Variants in KCNMA1 observed in about 807,000 individuals in gnomAD.
KCNMA1 encodes Calcium-activated potassium channel subunit alpha-1.
In KCNMA1, 29 loss-of-function variants were observed where a neutral mutation model predicts 140.0. That is an observed-to-expected ratio of 0.21 (90% CI 0.15 to 0.28). KCNMA1 has a LOEUF of 0.28. KCNMA1 is among the 10% of genes least tolerant of loss of function. KCNMA1 has a pLI of 1.00. For missense variants in KCNMA1, 880 were observed against 1,602.2 expected, an observed-to-expected ratio of 0.55 and a Z score of 7.70; for synonymous variants, 612 against 611.9, an observed-to-expected ratio of 1.00 and a Z score of 0.00.
chr10:77,629,593 C>A (rs190396231), intron 1 of KCNMA1, among the ~76,000 whole-genome samples: 7 of 152,280 alleles, frequency 4.6e-5, no homozygotes, highest in African/African-American at 1.4e-4. Context: ...TCAGTTCCTG[C>A]CCTCAAGGAG....
intron 1 of KCNMA1, among the ~76,000 whole-genome samples, chr10:77,463,225 T>C (rs1323551568): frequency 6.6e-6 from 1 of 152,106 alleles, no homozygotes; most frequent in Non-Finnish European, 1.5e-5. Context: ...TGGCCCTGCG[T>C]AGCCTGGGAA....
At chr10:77,527,694 A>G (rs2056287468) in intron 1 of KCNMA1, among the ~76,000 whole-genome samples, 1 of 152,174 alleles carries the variant, frequency 6.6e-6, no homozygotes, top group Admixed American at 6.5e-5. Context: ...ATTAAAAGAG[A>G]AAGAAAGAGA....
At position 77,289,050 on chromosome 10, in the gene KCNMA1, T is replaced by C. The variant is rs117112564; in HGVS notation, c.541-37794A>G. Among the ~76,000 whole-genome samples, 249 of 152,306 alleles carry C rather than the reference T, an allele frequency of 1.6e-3. 4 individuals carry two copies. The East Asian group carries it at 0.04, about 24-fold the overall frequency. ...TCTCATTTTGGGAGGACCAAAGCCCTGCCTAGCAGCAATGACAATCCTGGC... is the reference window on the plus strand; with the variant it reads ...TCTCATTTTGGGAGGACCAAAGCCCCGCCTAGCAGCAATGACAATCCTGGC... On this transcript the variant is annotated intron_variant, in intron 2 of 27. Coordinates refer to ENST00000286628, the MANE Select transcript of KCNMA1 (RefSeq NM_001161352.2).
chr10:77,198,521 G>A (rs897752160), intron 3 of KCNMA1, among the ~76,000 whole-genome samples: 1 of 146,404 alleles, frequency 6.8e-6, no homozygotes, highest in African/African-American at 2.5e-5. Flanking sequence ...GATTCTCAAA[G>A]GTATTTCTTA....
intron 1 of KCNMA1, among the ~76,000 whole-genome samples, chr10:77,525,178 A>G (rs1053563790): frequency 2.6e-5 from 4 of 152,234 alleles, no homozygotes; most frequent in Non-Finnish European, 4.4e-5. Context: ...GTTCTAATTA[A>G]TATAATTCCA....
chr10:77,328,037 T>G (rs944868954), intron 2 of KCNMA1, among the ~76,000 whole-genome samples: 1 of 152,190 alleles, frequency 6.6e-6, no homozygotes, highest in Admixed American at 6.5e-5. Context: ...GACCTCAAGG[T>G]AAAGTGGGAC....
chr10:77,637,027 G>C, intron 1 of KCNMA1: 2 of 1,414,226 alleles, frequency 1.4e-6, no homozygotes, highest in Non-Finnish European at 1.8e-6. Flanking sequence ...CAAGAGGACA[G>C]GATTGAGCGT....
chr10:77,250,899 C>T (rs2059541682), intron 3 of KCNMA1: 2 of 373,510 alleles, frequency 5.4e-6, no homozygotes, highest in Admixed American at 7.6e-5. Context: ...AACTACTTGA[C>T]ATCTTCAGTG....
At chr10:77,561,728 C>G (rs1463402353) in intron 1 of KCNMA1, among the ~76,000 whole-genome samples, 2 of 152,188 alleles carry the variant, frequency 1.3e-5, no homozygotes, top group Non-Finnish European at 2.9e-5. Context: ...ATGCTGGAAA[C>G]TGAGCCATTT....
chr10:77,201,389 A>G (rs1565178539), intron 3 of KCNMA1, among the ~76,000 whole-genome samples: 3 of 152,210 alleles, frequency 2.0e-5, no homozygotes, highest in African/African-American at 7.2e-5. Flanking sequence ...AACACAGGGA[A>G]AAAGAACCCT....
Position 76,877,834 on chromosome 10 carries a change from TG to T in KCNMA1, c.3483del (p.Lys1162SerfsTer3). 2 of 1,607,822 alleles carry T rather than the reference TG, an allele frequency of 1.2e-6. No individual in the cohort carries two copies. Among genetic ancestry groups the T allele is most frequent in the Non-Finnish European group, 1.7e-6 (2 of 1,177,056 alleles). ...TTAGCCATGTGGGTACTCATGGGCT[TG>T]ATTTGAATGTTTCTGGGATAGGCAT... On this transcript the variant is annotated frameshift_variant, in exon 30 of 30. Coordinates refer to the KCNMA1 transcript ENST00000372403. LOFTEE classifies it high-confidence loss of function.
At chr10:77,436,925 C>T (rs1566842471) in intron 1 of KCNMA1, among the ~76,000 whole-genome samples, 1 of 150,370 alleles carries the variant, frequency 6.7e-6, no homozygotes. Context: ...ATTCTTGGTG[C>T]CTAAAGTCCT....
intron 3 of KCNMA1, among the ~76,000 whole-genome samples, chr10:77,206,174 T>A (rs2044043776): frequency 6.6e-6 from 1 of 152,230 alleles, no homozygotes; most frequent in Non-Finnish European, 1.5e-5. Flanking sequence ...AAAATACTTT[T>A]TCTCAGTTAA....
In KCNMA1 at chr10:77,123,179, C is replaced by CAAAAAA. The variant is rs61374890; in HGVS notation, c.809-2137_809-2132dup. On this transcript the variant is annotated intron_variant, in intron 5 of 27. Transcript: ENST00000286628. ...TGGGCGACAGAGCGAGACTCCGTCT[C>CAAAAAA]AAAAAAAAAAAAAAAAAAAAAAAAA... 1.5e-4 allele frequency among the ~76,000 whole-genome samples: 9 copies of CAAAAAA among 59,652 alleles called. 1 individual carries two copies. Among genetic ancestry groups the CAAAAAA allele is most frequent in the South Asian group, 8.8e-4 (1 of 1,130 alleles). 39.1% of individuals were successfully genotyped at this position (59,652 alleles called of 152,430 possible).
chr10:76,924,579 G>A (rs1362944230), intron 23 of KCNMA1, among the ~76,000 whole-genome samples: 1 of 152,172 alleles, frequency 6.6e-6, no homozygotes, highest in Admixed American at 6.5e-5. Context: ...AGCAGCTGAT[G>A]AACATGATGG....
chr10:77,238,486 C>G (rs1437878042), intron 3 of KCNMA1, among the ~76,000 whole-genome samples: 1 of 152,182 alleles, frequency 6.6e-6, no homozygotes, highest in Non-Finnish European at 1.5e-5. Flanking sequence ...CTTACCTACC[C>G]CTTTTAGTGT....
chr10:77,551,244 T>A (rs933257758), intron 1 of KCNMA1, among the ~76,000 whole-genome samples: 1 of 152,206 alleles, frequency 6.6e-6, no homozygotes, highest in Non-Finnish European at 1.5e-5. Context: ...TGCTCTTATA[T>A]GTACAGGGGA....
At chr10:77,499,422 T>TATATATATATATATAC (rs1390141467) in intron 1 of KCNMA1, among the ~76,000 whole-genome samples, 5 of 105,586 alleles carry the variant, frequency 4.7e-5, no homozygotes, top group African/African-American at 1.6e-4. Context: ...TATATATATA[T>TATATATATATATATAC]ACACACACAC....
chr10:77,043,698 A>T (rs2094868023), intron 14 of KCNMA1, among the ~76,000 whole-genome samples: 1 of 152,236 alleles, frequency 6.6e-6, no homozygotes, highest in South Asian at 2.1e-4. Context: ...TACAACATGG[A>T]TGACCCTTGA....
Sources: allele counts gnomAD v4.1 joint callset (sites outside exome capture counted in the v4.1 genomes callset), GRCh38; gene constraint gnomAD v4.1.1; transcripts MANE v1.5; gene names NCBI Gene and HGNC (gene_info 2026-07-23, HGNC 2026-07-21).